The following CNTN4 variants were observed in gnomAD, a reference collection of about 807,000 sequenced individuals.
CNTN4 encodes contactin 4.
Under a neutral mutation model 122.5 loss-of-function variants are expected in CNTN4, and 77 were observed. The observed-to-expected ratio is 0.63, with a 90% CI of 0.52 to 0.76. The LOEUF (loss-of-function observed/expected upper bound fraction) is 0.76, where lower values mean the gene tolerates loss of function less well. Ranked by LOEUF, CNTN4 falls within the 30% of genes least tolerant of loss-of-function variation. CNTN4 has a pLI of 0.00. For synonymous variants in CNTN4, 512 were observed against 447.0 expected (o/e 1.15, Z -1.83); for missense variants, 1,256 against 1,259.1 (o/e 1.00, Z 0.04).
intron 2 of CNTN4, among the ~76,000 whole-genome samples, chr3:2,226,418 A>G (rs1262050980): frequency 1.3e-5 from 2 of 152,218 alleles, no homozygotes; most frequent in Non-Finnish European, 2.9e-5. Context: ...TGGATTGAGC[A>G]TAACCACTTT....
intron 2 of CNTN4, among the ~76,000 whole-genome samples, chr3:2,293,054 A>G (rs1378870279): frequency 6.6e-6 from 1 of 152,206 alleles, no homozygotes; most frequent in East Asian, 1.9e-4. Flanking sequence ...TCCCACTAAC[A>G]TGCGTATTGT....
intron 6 of CNTN4, among the ~76,000 whole-genome samples, chr3:2,756,833 A>G (rs994015923): frequency 6.6e-6 from 1 of 152,318 alleles, no homozygotes; most frequent in East Asian, 1.9e-4. Flanking sequence ...GAGCCTTCGA[A>G]GGTGCCCAGC....
intron 4 of CNTN4, among the ~76,000 whole-genome samples, chr3:2,663,275 A>T (rs766605958): frequency 6.6e-6 from 1 of 152,186 alleles, no homozygotes; most frequent in South Asian, 2.1e-4. Flanking sequence ...TATAATAGGA[A>T]TAGATAATGA....
chr3:2,118,198 C>T (rs1253947598), intron 2 of CNTN4, among the ~76,000 whole-genome samples: 1 of 152,122 alleles, frequency 6.6e-6, no homozygotes, highest in South Asian at 2.1e-4. Context: ...AATGAGAAAA[C>T]TGAGAATCAG....
intron 7 of CNTN4, among the ~76,000 whole-genome samples, chr3:2,840,498 A>G (rs1384571357): frequency 7.1e-6 from 1 of 140,044 alleles, no homozygotes; most frequent in East Asian, 2.2e-4. Context: ...CAGGAGATCG[A>G]GACCATCCTG....
chr3:2,597,879 T>C (rs1015650163), intron 4 of CNTN4, among the ~76,000 whole-genome samples: 1 of 152,206 alleles, frequency 6.6e-6, no homozygotes, highest in African/African-American at 2.4e-5. Context: ...TAAACACATT[T>C]GAACAATCTG....
chr3:2,826,535 TG>T (rs2092992688), intron 7 of CNTN4, among the ~76,000 whole-genome samples: 1 of 152,324 alleles, frequency 6.6e-6, no homozygotes, highest in East Asian at 1.9e-4. Context: ...AGGACATCTG[TG>T]TTCTAGTCCT....
intron 12 of CNTN4, among the ~76,000 whole-genome samples, chr3:2,923,291 T>TA (rs77339040): frequency 7.9e-5 from 12 of 151,174 alleles, no homozygotes; most frequent in Admixed American, 6.6e-4. Flanking sequence ...AAATATCATT[T>TA]AAAAAAAAAC....
rs183788462 is a variant in CNTN4, at chr3:2,136,947, C to T, written c.-145+36308C>T. Among the ~76,000 whole-genome samples, 470 of 152,112 alleles carry T rather than the reference C, an allele frequency of 3.1e-3. 1 individual carries two copies. The highest frequency in any genetic ancestry group is 0.011 in the African/African-American group (453 of 41,512). On this transcript the variant is annotated intron_variant, in intron 2 of 24. Transcript: ENST00000418658. The stretch of plus-strand genomic sequence containing the variant: ...CCGGTTTTATATGATTGCTGAAATG[C>T]AAAACAAACAACCCCTCCCCCCGAA...
At chr3:2,129,372 A>G (rs550726815) in intron 2 of CNTN4, among the ~76,000 whole-genome samples, 1 of 147,190 alleles carries the variant, frequency 6.8e-6, no homozygotes, top group South Asian at 2.3e-4. Flanking sequence ...TCCGTAGTGG[A>G]CTTGTGAGAA....
intron 2 of CNTN4, among the ~76,000 whole-genome samples, chr3:2,317,646 C>A (rs1200434236): frequency 6.6e-6 from 1 of 152,160 alleles, no homozygotes; most frequent in African/African-American, 2.4e-5. Context: ...AGTTTGAAGT[C>A]TTTCTTCTAG....
rs116768300 is a variant in CNTN4 at position 2,878,148 on chromosome 3, T to G, written c.653-4997T>G. Among the ~76,000 whole-genome samples, 944 of 152,248 alleles carry G rather than the reference T, an allele frequency of 6.2e-3. 13 individuals carry two copies. The highest frequency in any genetic ancestry group is 8.7e-3 in the Non-Finnish European group (592 of 67,994). ...CTGTACTACTGCCATATATACACAT[T>G]AATCTATTACTGATGACTCTGTTAT... On this transcript the variant is annotated intron_variant, in intron 8 of 24. Transcript: ENST00000418658.
chr3:2,568,326 A>AAC (rs2079268178), intron 3 of CNTN4, among the ~76,000 whole-genome samples: 1 of 150,720 alleles, frequency 6.6e-6, no homozygotes. Context: ...TGAAAAAAAA[A>AAC]AAAAAAAAAA....
chr3:2,774,183 C>T (rs1192099034), intron 6 of CNTN4, among the ~76,000 whole-genome samples: 1 of 152,034 alleles, frequency 6.6e-6, no homozygotes, highest in Non-Finnish European at 1.5e-5. Context: ...ATAGCTTGAA[C>T]CTGGGAGGTG....
intron 7 of CNTN4, among the ~76,000 whole-genome samples, chr3:2,828,105 C>CTCTCTCTCTCTG (rs1559550458): frequency 1.3e-5 from 2 of 151,872 alleles, no homozygotes; most frequent in African/African-American, 2.4e-5. Context: ...CTCTCTCTCT[C>CTCTCTCTCTCTG]TCTCTCTCTG....
At chr3:2,255,721 A>T (rs1034615966) in intron 2 of CNTN4, among the ~76,000 whole-genome samples, 2 of 152,198 alleles carry the variant, frequency 1.3e-5, no homozygotes, top group African/African-American at 2.4e-5. Context: ...GCAGAAATAA[A>T]TAAGTTCTTT....
chr3:3,053,943 G>A lies in CNTN4; in HGVS notation c.2948G>A (p.Ser983Asn), dbSNP rs749951952. ...KPFSDGGDGSSSEQIRIPKIS... is the reference protein window; with the variant it reads ...KPFSDGGDGSNSEQIRIPKIS... ...TTCAGCGACGGAGGAGATGGCAGCA[G>A]CAGTGAACAAATTCGAATTCCAAAG... Residue 983 changes from serine to asparagine, a missense_variant, in exon 24 of 25, where the codon AGC (serine) becomes AAC (asparagine). By Grantham distance (46) the Ser-to-Asn change is conservative (BLOSUM62 1). Coordinates refer to ENST00000418658, the MANE Select transcript of CNTN4 (RefSeq NM_175607.3). 41 of 1,614,198 alleles carry A rather than the reference G, an allele frequency of 2.5e-5. No homozygotes were observed. The South Asian group carries it at 3.6e-4, about 14-fold the overall frequency.
At chr3:2,657,844 G>A (rs1052405081) in intron 4 of CNTN4, among the ~76,000 whole-genome samples, 6 of 151,148 alleles carry the variant, frequency 4.0e-5, no homozygotes, top group East Asian at 1.9e-4. Context: ...TTCAGTGGGG[G>A]CATATGAAAT....
chr3:2,576,096 G>C lies in CNTN4; in HGVS notation c.55+4538G>C, dbSNP rs547527958. Among the ~76,000 whole-genome samples, 5 of 152,112 alleles carry C rather than the reference G, an allele frequency of 3.3e-5. No homozygotes were observed. In the South Asian group the frequency reaches 6.2e-4, roughly 19 times the overall value. On this transcript the variant is annotated intron_variant, in intron 4 of 24. Transcript: ENST00000418658. ...GTGATCTGCCCACCTCGGCCTCCCA[G>C]AGTGCTGGAATTACAGGCGTGAGCC...
Sources: allele counts gnomAD v4.1 joint callset (sites outside exome capture counted in the v4.1 genomes callset), GRCh38; gene constraint gnomAD v4.1.1; transcripts MANE v1.5; gene names NCBI Gene and HGNC (gene_info 2026-07-23, HGNC 2026-07-21).